The following PCDHGA1 variants were observed in gnomAD, a reference collection of about 807,000 sequenced individuals.
The protein encoded by PCDHGA1 is protocadherin gamma-A1.
PCDHGA1 carries 32 observed loss-of-function variants against 58.0 expected under a neutral mutation model. The observed-to-expected ratio is 0.55, with a 90% CI of 0.42 to 0.74. The LOEUF (loss-of-function observed/expected upper bound fraction) is 0.74, where lower values mean the gene tolerates loss of function less well. Ranked by LOEUF, PCDHGA1 falls within the 30% of genes least tolerant of loss-of-function variation. The pLI is 0.00. For synonymous variants in PCDHGA1, 498 were observed against 501.1 expected (o/e 0.99, Z 0.08); for missense variants, 1,205 against 1,182.3 (o/e 1.02, Z -0.28).
chr5:141,372,076 T>C (rs1768385368), intron 1 of PCDHGA1: 4 of 1,613,690 alleles, frequency 2.5e-6, no homozygotes, highest in Non-Finnish European at 2.5e-6. Context: ...AATGCACCGC[T>C]GGTGCTGTAC....
intron 1 of PCDHGA1, chr5:141,333,930 T>G (rs17097189): frequency 0.18 from 27,897 of 152,156 alleles, 2,724 homozygotes; most frequent in African/African-American, 0.24. Context: ...TTGAGAAATA[T>G]CTTTGAAGCC....
At chr5:141,350,650 C>A (rs374865865) in intron 1 of PCDHGA1, 12 of 1,613,902 alleles carry the variant, frequency 7.4e-6, no homozygotes, top group African/African-American at 4.0e-5. Flanking sequence ...CACCACGTTT[C>A]GTTGCAAAAG....
chr5:141,393,950 T>C (rs1203228447), intron 1 of PCDHGA1: 1 of 1,613,996 alleles, frequency 6.2e-7, no homozygotes, highest in Non-Finnish European at 8.5e-7. Context: ...CTGGAAAGAA[T>C]GGTCAAGTTG....
rs767515334 is a variant in PCDHGA1, at chr5:141,403,753, C to A, written c.2421+70648C>A. ...CCTGGCTGCTTACTGCAACAGCCAG[C>A]GACCTGGATGAGGGAATCAACGGAA... is the stretch of plus-strand genomic sequence containing the variant. On this transcript the variant is annotated intron_variant, in intron 1 of 3. Transcript: ENST00000517417. The A allele has an allele frequency of 1.9e-6, 3 of 1,613,502 alleles. No individual in the cohort carries two copies. The Admixed American group carries it at 5.0e-5, about 27-fold the overall frequency.
At position 141,477,938 on chromosome 5, in the gene PCDHGA1, T is replaced by C. The variant is rs1441443411; in HGVS notation, c.2422-16869T>C. The stretch of plus-strand genomic sequence containing the variant: ...TGCAGGGCACAATGCCTGGCTCTCC[T>C]ACAGTCTCTTGGGATCCCCTAACCA... On this transcript the variant is annotated intron_variant, in intron 1 of 3. Transcript: ENST00000517417. The surrounding 1 kb of genome is among the most constrained non-coding windows in gnomAD (Gnocchi z 4.9). The C allele has an allele frequency of 3.1e-6, 5 of 1,614,036 alleles. No homozygotes were observed. The highest frequency in any genetic ancestry group is 4.2e-6 in the Non-Finnish European group (5 of 1,180,030).
chr5:141,436,840 C>T (rs1195342311), intron 1 of PCDHGA1, among the ~76,000 whole-genome samples: 1 of 152,220 alleles, frequency 6.6e-6, no homozygotes, highest in Admixed American at 6.5e-5. Flanking sequence ...TGCCTAGGCA[C>T]ATTCTTGATT....
rs369129764 is a variant in PCDHGA1, at chr5:141,357,546, G to C, written c.2421+24441G>C. ...GCTATGCAGACACGCTCATCAGCCG[G>C]GAGAGTTGTGAGAAAAGCGAGCCTC... On this transcript the variant is annotated intron_variant, in intron 1 of 3. Coordinates refer to ENST00000517417, the MANE Select transcript of PCDHGA1 (RefSeq NM_018912.3). The C allele has an allele frequency of 2.6e-4, 415 of 1,614,182 alleles. 2 individuals are homozygous for C. The African/African-American group carries it at 4.6e-3, about 18-fold the overall frequency.
At position 141,486,254 on chromosome 5, in the gene PCDHGA1, G is replaced by A. The variant is rs2099626723; in HGVS notation, c.2422-8553G>A. ...GACCTCAGAGCTTGGAACCCTCCCCGAGAGTGCAGAACCTGGCACTGTGGT... is the reference window on the plus strand; with the variant it reads ...GACCTCAGAGCTTGGAACCCTCCCCAAGAGTGCAGAACCTGGCACTGTGGT... On this transcript the variant is annotated intron_variant, in intron 1 of 3. Transcript: ENST00000517417. This position sits in a 1 kb window ranked among gnomAD's most constrained non-coding sequence, Gnocchi z 5.0. The A allele has an allele frequency of 1.2e-6, 2 of 1,613,992 alleles. No individual in the cohort carries two copies. Among genetic ancestry groups the A allele is most frequent in the Non-Finnish European group, 1.7e-6 (2 of 1,179,982 alleles).
rs753581561 is a variant in PCDHGA1, at chr5:141,485,195, T to G, written c.2422-9612T>G. 2.2e-5 allele frequency: 36 copies of G among 1,613,912 alleles called. No homozygotes were observed. Among genetic ancestry groups the G allele is most frequent in the Non-Finnish European group, 1.4e-5 (16 of 1,179,906 alleles). ...AGCAATGCTCCGCAAGGTGAGAAGC[T>G]GGACAGAAATCTGGCGGTGGGCTAC... is the stretch of plus-strand genomic sequence containing the variant. On this transcript the variant is annotated intron_variant, in intron 1 of 3. Transcript: ENST00000517417. The surrounding 1 kb of genome is among the most constrained non-coding windows in gnomAD (Gnocchi z 5.7).
At chr5:141,364,462 C>T (rs897608860) in intron 1 of PCDHGA1, 23 of 1,613,902 alleles carry the variant, frequency 1.4e-5, no homozygotes, top group Non-Finnish European at 1.8e-5. Flanking sequence ...AAGGCTCCTT[C>T]GTCGGCAACA....
chr5:141,427,881 C>T (rs774499492), intron 1 of PCDHGA1: 6 of 1,563,720 alleles, frequency 3.8e-6, no homozygotes, highest in South Asian at 3.3e-5. Context: ...GATGCAGGCC[C>T]ACGACCAGGG....
chr5:141,428,523 T>G, intron 1 of PCDHGA1: 1 of 278,554 alleles, frequency 3.6e-6, no homozygotes, highest in Non-Finnish European at 7.1e-6. Context: ...AAAGAAGATT[T>G]AATTTTCTCA....
intron 1 of PCDHGA1, chr5:141,377,804 G>A (rs1588845842): frequency 6.6e-6 from 1 of 152,230 alleles, no homozygotes; most frequent in Middle Eastern, 3.4e-3. Flanking sequence ...GTAACTATCT[G>A]TTATTTACTT....
intron 1 of PCDHGA1, chr5:141,408,648 G>A: frequency 2.5e-6 from 4 of 1,613,922 alleles, no homozygotes; most frequent in South Asian, 2.2e-5. Flanking sequence ...GCATCCGCTG[G>A]TACACGACTA....
intron 1 of PCDHGA1, chr5:141,419,646 C>T (rs1433992932): frequency 6.2e-7 from 1 of 1,612,470 alleles, no homozygotes; most frequent in Admixed American, 1.7e-5. Flanking sequence ...GCCGTGGACG[C>T]GGACTCGGGG....
chr5:141,375,604 C>T lies in PCDHGA1; in HGVS notation c.2421+42499C>T, dbSNP rs1192028188. 7 of 1,614,112 alleles carry T rather than the reference C, an allele frequency of 4.3e-6. No homozygotes were observed. The African/African-American group carries it at 9.3e-5, about 22-fold the overall frequency. On this transcript the variant is annotated intron_variant, in intron 1 of 3. Coordinates refer to ENST00000517417, the MANE Select transcript of PCDHGA1 (RefSeq NM_018912.3). ...CGCCCCTGTCCTCCTACGTGTCCAT[C>T]AACTCCGACACTGGGATTCTGTACG...
At chr5:141,427,249 G>A (rs1417336994) in intron 1 of PCDHGA1, 1 of 456,742 alleles carries the variant, frequency 2.2e-6, no homozygotes, top group African/African-American at 2.0e-5. Context: ...GCTAAGGATG[G>A]TGGAGGCATG....
intron 1 of PCDHGA1, among the ~76,000 whole-genome samples, chr5:141,406,361 T>C (rs2094800900): frequency 6.6e-6 from 1 of 152,194 alleles, no homozygotes; most frequent in African/African-American, 2.4e-5. Flanking sequence ...ACTATGTTTG[T>C]AAGGGTAAAC....
intron 1 of PCDHGA1, among the ~76,000 whole-genome samples, chr5:141,347,137 C>CTCTTTCTTTCTTTCTT (rs70988799): frequency 0.086 from 9,761 of 113,734 alleles, 841 homozygotes; most frequent in African/African-American, 0.13. Flanking sequence ...CTCTGTTTCT[C>CTCTTTCTTTCTTTCTT]TCTTTCTTTC....
Sources: gnomAD v4.1 joint callset for allele counts (sites outside exome capture counted in the v4.1 genomes callset) on GRCh38, gnomAD v4.1.1 for gene constraint, Gnocchi (gnomAD v3.1) non-coding constraint, MANE v1.5 for transcripts, NCBI Gene and HGNC (gene_info 2026-07-23, HGNC 2026-07-21) for gene names.